DLGAP1: variants seen among roughly 807,000 people sequenced by gnomAD.
DLGAP1 encodes disks large-associated protein 1.
Under a neutral mutation model 90.8 loss-of-function variants are expected in DLGAP1, and 11 were observed. The ratio of observed to expected loss-of-function variants is 0.12; its 90% CI spans 0.08 to 0.20. The LOEUF is 0.20. Among genes scored for constraint, DLGAP1 ranks in the 10% least tolerant of loss-of-function variants. The pLI is 1.00. For synonymous variants in DLGAP1, 558 were observed against 540.7 expected (o/e 1.03, Z -0.44); for missense variants, 1,050 against 1,333.8 (o/e 0.79, Z 3.31).
At chr18:3,533,327 T>A (rs2052136765) in intron 10 of DLGAP1, among the ~76,000 whole-genome samples, 2 of 152,360 alleles carry the variant, frequency 1.3e-5, no homozygotes, top group South Asian at 2.1e-4. Context: ...TGTATTTCAC[T>A]TTAGCCCATT....
intron 8 of DLGAP1, among the ~76,000 whole-genome samples, chr18:3,576,323 G>C (rs1348088017): frequency 6.6e-6 from 1 of 150,522 alleles, no homozygotes; most frequent in Non-Finnish European, 1.5e-5. Context: ...GCAGTGGCGC[G>C]ATCTCGGCTC....
intron 3 of DLGAP1, among the ~76,000 whole-genome samples, chr18:3,943,666 T>G (rs35741770): frequency 0.51 from 77,589 of 151,888 alleles, 19,890 homozygotes; most frequent in South Asian, 0.55. Context: ...TATAATTCAT[T>G]TTTTCTTTCT....
chr18:4,027,700 T>C (rs2074726884), intron 2 of DLGAP1, among the ~76,000 whole-genome samples: 1 of 152,132 alleles, frequency 6.6e-6, no homozygotes, highest in Non-Finnish European at 1.5e-5. Context: ...ACAGATTCCC[T>C]TGTTATATAA....
rs2070953921 is a variant in DLGAP1, at chr18:3,874,795, T to C, written c.957+4317A>G. Reference sequence around the variant, plus strand: ...ACATCTGATTCTTGACATTTAAAAATAACAATATTGGAAAAAAAAGGAGTC... The same window carrying C: ...ACATCTGATTCTTGACATTTAAAAACAACAATATTGGAAAAAAAAGGAGTC... On this transcript the variant is annotated intron_variant, in intron 4 of 12. Coordinates refer to ENST00000315677, the MANE Select transcript of DLGAP1 (RefSeq NM_004746.4). 8.0e-6 allele frequency: 11 copies of C among 1,379,826 alleles called. No homozygotes were observed. The South Asian group carries it at 2.2e-4, about 27-fold the overall frequency. The allele number at this position is 1,379,826 out of a possible 1,614,324, so 85.5% of individuals were successfully genotyped here. A position where few individuals can be genotyped will look rare whatever the true frequency, so the allele number is the denominator to read the frequency against.
intron 2 of DLGAP1, among the ~76,000 whole-genome samples, chr18:4,052,076 TG>T (rs1375110937): frequency 6.6e-6 from 1 of 152,220 alleles, no homozygotes; most frequent in Non-Finnish European, 1.5e-5. Flanking sequence ...GCTGCTTTCA[TG>T]GGCTGGCATT....
At chr18:3,817,549 T>C (rs1317068597) in intron 4 of DLGAP1, among the ~76,000 whole-genome samples, 1 of 151,984 alleles carries the variant, frequency 6.6e-6, no homozygotes, top group African/African-American at 2.4e-5. Context: ...AGACAGAAAA[T>C]CGAGACCTTG....
intron 1 of DLGAP1, among the ~76,000 whole-genome samples, chr18:4,267,776 A>T (rs12456597): frequency 0.098 from 14,897 of 152,152 alleles, 829 homozygotes; most frequent in East Asian, 0.18. Flanking sequence ...ACAAGGATCC[A>T]CTTCTACAAG....
chr18:4,082,510 CAAAA>C (rs59735494), intron 2 of DLGAP1, among the ~76,000 whole-genome samples: 2,319 of 52,120 alleles, frequency 0.044, 121 homozygotes, highest in African/African-American at 0.19. Context: ...GACTTTGTCT[CAAAA>C]AAAAAAAAAA....
intron 3 of DLGAP1, among the ~76,000 whole-genome samples, chr18:3,949,472 C>T (rs2072941940): frequency 6.6e-6 from 1 of 152,134 alleles, no homozygotes; most frequent in Non-Finnish European, 1.5e-5. Flanking sequence ...GTTGTGTAGG[C>T]TTCCTGCTGC....
chr18:4,242,505 C>T (rs572922223), intron 1 of DLGAP1, among the ~76,000 whole-genome samples: 2 of 152,228 alleles, frequency 1.3e-5, no homozygotes, highest in South Asian at 4.1e-4. Context: ...TTAGGAAAAA[C>T]TTTCCACTTC....
At chr18:3,505,791 G>A (rs913489892) in intron 11 of DLGAP1, among the ~76,000 whole-genome samples, 8 of 152,016 alleles carry the variant, frequency 5.3e-5, no homozygotes, top group South Asian at 2.1e-4. Flanking sequence ...CCAGCATTGC[G>A]ACTGTCTTCC....
At chr18:3,614,530 C>T (rs2057765062) in intron 7 of DLGAP1, among the ~76,000 whole-genome samples, 1 of 151,990 alleles carries the variant, frequency 6.6e-6, no homozygotes, top group African/African-American at 2.4e-5. Flanking sequence ...CAAAAAGAAA[C>T]TATTCTTTCA....
At chr18:4,393,557 A>T (rs930078311) in intron 1 of DLGAP1, among the ~76,000 whole-genome samples, 15 of 152,216 alleles carry the variant, frequency 9.9e-5, no homozygotes, top group African/African-American at 3.6e-4. Flanking sequence ...ATTATTCTGG[A>T]TCTCAACCAT....
chr18:3,957,273 G>GCC (rs888215010), intron 3 of DLGAP1, among the ~76,000 whole-genome samples: 9 of 152,150 alleles, frequency 5.9e-5, no homozygotes, highest in African/African-American at 1.9e-4. Context: ...AATGCTGGTG[G>GCC]CCCCTGGAAG....
rs548411342 is a variant in DLGAP1, at chr18:4,442,331, G to A, written c.-267+12675C>T. ...ACTTTCTACATAGGATGAGCATGAG[G>A]TTAAAATGAGATTATTTACATAATG... On this transcript the variant is annotated intron_variant, in intron 1 of 12. Transcript: ENST00000315677. 3.3e-5 allele frequency among the ~76,000 whole-genome samples: 5 copies of A among 152,176 alleles called. No individual in the cohort carries two copies. The South Asian group carries it at 8.3e-4, about 25-fold the overall frequency.
chr18:4,326,949 C>T lies in DLGAP1; in HGVS notation c.-267+128057G>A, dbSNP rs146531843. ...AAATTATCCATACACCAAACCCCTGCGATGTACAGTTTACCTATATGACAA... is the reference window on the plus strand; with the variant it reads ...AAATTATCCATACACCAAACCCCTGTGATGTACAGTTTACCTATATGACAA... On this transcript the variant is annotated intron_variant, in intron 1 of 12. Coordinates refer to ENST00000315677, the MANE Select transcript of DLGAP1 (RefSeq NM_004746.4). Among the ~76,000 whole-genome samples the T allele has an allele frequency of 3.7e-3, 565 of 152,042 alleles. 4 individuals carry two copies. The highest frequency in any genetic ancestry group is 0.013 in the African/African-American group (539 of 41,496).
chr18:4,300,906 A>C (rs894788347), intron 1 of DLGAP1, among the ~76,000 whole-genome samples: 11 of 152,182 alleles, frequency 7.2e-5, no homozygotes, highest in Non-Finnish European at 1.0e-4. Flanking sequence ...ATCAAAGGTT[A>C]TCTCTCCTTT....
At chr18:3,943,515 T>G (rs1195857634) in intron 3 of DLGAP1, among the ~76,000 whole-genome samples, 1 of 145,062 alleles carries the variant, frequency 6.9e-6, no homozygotes, top group Non-Finnish European at 1.5e-5. Flanking sequence ...GGTCTGGGCC[T>G]AACACCAGAT....
chr18:3,990,663 T>TAATAATAAA (rs1189192370), intron 3 of DLGAP1, among the ~76,000 whole-genome samples: 26 of 139,362 alleles, frequency 1.9e-4, no homozygotes, highest in African/African-American at 6.4e-4. Flanking sequence ...ATAATAATAA[T>TAATAATAAA]AAAAAGAAAT....
Sources: gnomAD v4.1 joint callset for allele counts (sites outside exome capture counted in the v4.1 genomes callset) on GRCh38, gnomAD v4.1.1 for gene constraint, MANE v1.5 for transcripts, NCBI Gene and HGNC (gene_info 2026-07-23, HGNC 2026-07-21) for gene names.